Variants in CUL5 observed in about 807,000 individuals in gnomAD.
CUL5 encodes the protein cullin-5.
A neutral mutation model predicts 108.8 loss-of-function variants in CUL5; 26 were observed. That is an observed-to-expected ratio of 0.24 (90% CI 0.18 to 0.33). CUL5 has a LOEUF of 0.33. Ranked by LOEUF, CUL5 falls within the 10% of genes least tolerant of loss-of-function variation. The pLI, the probability that CUL5 is intolerant of heterozygous loss-of-function variation, is 1.00. For missense variants in CUL5, 524 were observed against 909.2 expected (o/e 0.58, Z 5.45); for synonymous variants, 334 against 298.0 (o/e 1.12, Z -1.25).
At chr11:108,074,426 C>G (rs1489043941) in intron 10 of CUL5, among the ~76,000 whole-genome samples, 1 of 151,704 alleles carries the variant, frequency 6.6e-6, no homozygotes, top group Admixed American at 6.6e-5. Context: ...AACTCCTGAC[C>G]TCAGGTGATG....
At chr11:108,025,018 G>A (rs1862421648) in intron 1 of CUL5, among the ~76,000 whole-genome samples, 1 of 152,112 alleles carries the variant, frequency 6.6e-6, no homozygotes, top group African/African-American at 2.4e-5. Flanking sequence ...TCTTATATCT[G>A]TGGTTTATAG....
chr11:108,054,221 A>G (rs2135138795), intron 5 of CUL5, among the ~76,000 whole-genome samples: 1 of 152,210 alleles, frequency 6.6e-6, no homozygotes, highest in Non-Finnish European at 1.5e-5. Context: ...TTACCATTCT[A>G]CCTTACCTTC....
chr11:108,050,907 C>T lies in CUL5; in HGVS notation c.411+841C>T, dbSNP rs187077326. 2.6e-5 allele frequency among the ~76,000 whole-genome samples: 4 copies of T among 152,286 alleles called. No homozygotes were observed. The East Asian group carries it at 7.7e-4, about 29-fold the overall frequency. On this transcript the variant is annotated intron_variant, in intron 4 of 18. Transcript: ENST00000393094. ...AACTCAGTGCTGAATATGAAGGGTC[C>T]TAGGTTTCCCTTTCAGCTCTTCAAA...
chr11:108,044,843 C>T lies in CUL5; in HGVS notation c.135-1427C>T, dbSNP rs190257801. On this transcript the variant is annotated intron_variant, in intron 2 of 18. Coordinates refer to ENST00000393094, the MANE Select transcript of CUL5 (RefSeq NM_003478.6). Reference sequence around the variant, plus strand: ...TTGGTGCCATCTTGGCTCACTGCAACCTCCGCCTCCCGGGTTCAAGTGATT... The same window carrying T: ...TTGGTGCCATCTTGGCTCACTGCAATCTCCGCCTCCCGGGTTCAAGTGATT... Among the ~76,000 whole-genome samples, 775 of 152,056 alleles carry T rather than the reference C, an allele frequency of 5.1e-3. 12 individuals are homozygous for T. Among genetic ancestry groups the T allele is most frequent in the African/African-American group, 0.018 (741 of 41,474 alleles).
intron 13 of CUL5, among the ~76,000 whole-genome samples, chr11:108,092,450 C>A (rs944958049): frequency 2.0e-5 from 3 of 152,062 alleles, no homozygotes; most frequent in Non-Finnish European, 4.4e-5. Flanking sequence ...TGGAAACAAC[C>A]CAAAATGTCA....
At chr11:108,025,648 A>T (rs920929937) in intron 1 of CUL5, among the ~76,000 whole-genome samples, 1 of 152,024 alleles carries the variant, frequency 6.6e-6, no homozygotes, top group African/African-American at 2.4e-5. Flanking sequence ...CACTCTGCTG[A>T]TTGTTCTGCC....
At chr11:108,082,649 T>C (rs1345889196) in intron 11 of CUL5, among the ~76,000 whole-genome samples, 1 of 151,962 alleles carries the variant, frequency 6.6e-6, no homozygotes, top group Non-Finnish European at 1.5e-5. Flanking sequence ...TTTTTTTTTC[T>C]GTTTCTTTTT....
rs978474181 is a variant in CUL5 at position 108,098,446 on chromosome 11, A to G, written c.2065A>G (p.Ile689Val). 2 of 1,606,354 alleles carry G rather than the reference A, an allele frequency of 1.2e-6. No individual in the cohort carries two copies. The highest frequency in any genetic ancestry group is 2.7e-5 in the African/African-American group (2 of 74,446). ...KVQKRGKINLIGRLQLTTERM... is the reference protein window; with the variant it reads ...KVQKRGKINLVGRLQLTTERM... ...TCAGAAAAGGGGTAAAATCAACTTG[A>G]TTGGACGTTTGCAGCTCACTACAGA... The change falls in exon 18 of 19, where the codon ATT (isoleucine) becomes GTT (valine). Residue 689 changes from isoleucine to valine, a missense_variant. By Grantham distance (29) the Ile-to-Val change is conservative. This residue lies in a region of CUL5 where 66 missense variants were observed against 81.4 expected (regional missense o/e 0.81). Coordinates refer to ENST00000393094, the MANE Select transcript of CUL5 (RefSeq NM_003478.6).
rs151064693 is a variant in CUL5, at chr11:108,095,652, A to C, written c.1866A>C (p.Ala622=). Residue 622 remains alanine, a synonymous_variant, in exon 16 of 19, where the codon GCA becomes GCC. Transcript: ENST00000393094. Reference sequence around the variant, plus strand: ...TCAGCTTTGAAAATCTTAAGCTTGCAACTGAACTCCCTGATGCTGAACTTA... The same window carrying C: ...TCAGCTTTGAAAATCTTAAGCTTGCCACTGAACTCCCTGATGCTGAACTTA... The part of the protein sequence containing the change: ...EKISFENLKL[A]TELPDAELRR... The C allele has an allele frequency of 9.3e-6, 15 of 1,613,982 alleles. No homozygotes were observed. The highest frequency in any genetic ancestry group is 1.7e-5 in the Admixed American group (1 of 59,986).
chr11:108,012,858 A>G (rs534101163), intron 1 of CUL5, among the ~76,000 whole-genome samples: 1 of 152,202 alleles, frequency 6.6e-6, no homozygotes, highest in South Asian at 2.1e-4. Context: ...CGGCCACCCA[A>G]AGTGTTGGGA....
At chr11:108,080,952 CATT>C (rs1864064818) in intron 11 of CUL5, among the ~76,000 whole-genome samples, 1 of 136,320 alleles carries the variant, frequency 7.3e-6, no homozygotes, top group Non-Finnish European at 1.6e-5. Context: ...GAAGATTTAT[CATT>C]ATTTATTTAT....
chr11:108,090,769 GGAGAGA>G (rs1157406187), intron 13 of CUL5, among the ~76,000 whole-genome samples: 1 of 151,492 alleles, frequency 6.6e-6, no homozygotes, highest in Non-Finnish European at 1.5e-5. Context: ...ACATATATAT[GGAGAGA>G]GAGAGAGTGC....
intron 12 of CUL5, among the ~76,000 whole-genome samples, chr11:108,088,985 C>T (rs778107705): frequency 6.6e-6 from 1 of 151,778 alleles, no homozygotes; most frequent in Non-Finnish European, 1.5e-5. Context: ...TCACTCCTTC[C>T]TTTTTGTGAG....
intron 7 of CUL5, among the ~76,000 whole-genome samples, chr11:108,063,909 C>G (rs1863611538): frequency 6.6e-6 from 1 of 152,156 alleles, no homozygotes; most frequent in South Asian, 2.1e-4. Context: ...TATTGCCTGT[C>G]TTATAGATAA....
intron 2 of CUL5, among the ~76,000 whole-genome samples, chr11:108,046,039 G>A (rs1863059199): frequency 6.6e-6 from 1 of 152,152 alleles, no homozygotes; most frequent in South Asian, 2.1e-4. Flanking sequence ...TAAATTTTAT[G>A]TGGTAAGTAG....
chr11:108,064,265 G>T (rs1863619916), intron 7 of CUL5, among the ~76,000 whole-genome samples: 2 of 152,168 alleles, frequency 1.3e-5, no homozygotes, highest in Admixed American at 6.6e-5. Context: ...TGCTTTTTCA[G>T]CATCAATTGA....
intron 13 of CUL5, among the ~76,000 whole-genome samples, chr11:108,090,391 G>A: frequency 6.6e-6 from 1 of 152,116 alleles, no homozygotes; most frequent in East Asian, 1.9e-4. Flanking sequence ...TTGGGAGGCT[G>A]AGGCAGGAGA....
intron 10 of CUL5, among the ~76,000 whole-genome samples, chr11:108,075,603 A>G (rs778485561): frequency 2.0e-5 from 3 of 152,192 alleles, no homozygotes; most frequent in Non-Finnish European, 2.9e-5. Context: ...TGGTGCAATC[A>G]TAGCTGACTG....
chr11:108,101,209 A>G (rs1410089834), intron 18 of CUL5, among the ~76,000 whole-genome samples: 1 of 152,132 alleles, frequency 6.6e-6, no homozygotes, highest in Admixed American at 6.5e-5. Flanking sequence ...ATCCTCATTC[A>G]TTGCTATTTG....
Sources: allele counts gnomAD v4.1 joint callset (sites outside exome capture counted in the v4.1 genomes callset), GRCh38; gene constraint gnomAD v4.1.1; regional missense constraint gnomAD v4.1.1; transcripts MANE v1.5; gene names NCBI Gene and HGNC (gene_info 2026-07-23, HGNC 2026-07-21).